ANTXR1: variants seen among roughly 807,000 people sequenced by gnomAD.
ANTXR1 encodes anthrax toxin receptor 1.
A neutral mutation model predicts 78.1 loss-of-function variants in ANTXR1; 19 were observed. That is an observed-to-expected ratio of 0.24 (90% CI 0.17 to 0.36). ANTXR1 has a LOEUF of 0.36. Ranked by LOEUF, ANTXR1 falls within the 10% of genes least tolerant of loss-of-function variation. The pLI, the probability that ANTXR1 is intolerant of heterozygous loss-of-function variation, is 1.00. For synonymous variants in ANTXR1, 273 were observed against 260.5 expected, an observed-to-expected ratio of 1.05 and a Z score of -0.46; for missense variants, 518 against 718.6, an observed-to-expected ratio of 0.72 and a Z score of 3.19.
intron 1 of ANTXR1, among the ~76,000 whole-genome samples, 197 bp from the exon 2 acceptor site, chr2:69,039,847 C>G (rs1573799131): frequency 6.6e-6 from 1 of 152,144 alleles, no homozygotes; most frequent in East Asian, 1.9e-4. Context: ...TGGGGGAGTT[C>G]TTTTACAACA....
chr2:69,128,160 G>T (rs537767362), intron 12 of ANTXR1, among the ~76,000 whole-genome samples: 1 of 151,886 alleles, frequency 6.6e-6, no homozygotes, highest in Non-Finnish European at 1.5e-5. Flanking sequence ...GGGAGGCGGA[G>T]GTTGCAGTGA....
At chr2:69,111,536 G>T (rs1334602562) in intron 10 of ANTXR1, among the ~76,000 whole-genome samples, 2 of 152,220 alleles carry the variant, frequency 1.3e-5, no homozygotes, top group Non-Finnish European at 2.9e-5. Flanking sequence ...TGAGAAATCA[G>T]ATTCATTATA....
intron 17 of ANTXR1, among the ~76,000 whole-genome samples, chr2:69,216,340 G>A (rs1327618732): frequency 6.6e-6 from 1 of 152,090 alleles, no homozygotes; most frequent in Non-Finnish European, 1.5e-5. Flanking sequence ...GTTTTAGGTG[G>A]GTTCTAGATG....
chr2:69,137,891 C>G (rs1672960680), intron 12 of ANTXR1, among the ~76,000 whole-genome samples: 1 of 151,522 alleles, frequency 6.6e-6, no homozygotes, highest in South Asian at 2.1e-4. Context: ...CGAGATCAGC[C>G]TGGCAAACAT....
intron 17 of ANTXR1, among the ~76,000 whole-genome samples, chr2:69,224,493 T>C (rs923275976): frequency 1.3e-5 from 2 of 152,186 alleles, no homozygotes; most frequent in Admixed American, 6.5e-5. Flanking sequence ...CCTATTCCCT[T>C]TCCCTGCCCT....
rs183987460 is a variant in ANTXR1, at chr2:69,037,235, G to T, written c.153-2809G>T. Among the ~76,000 whole-genome samples, 5 of 152,340 alleles carry T rather than the reference G, an allele frequency of 3.3e-5. No homozygotes were observed. The East Asian group carries it at 9.7e-4, about 29-fold the overall frequency. ...GGTTCAGTTGGCAAAAGATCAGGAAGCTTCCATGAGCAATAGAGGCTTTTC... is the reference window on the plus strand; with the variant it reads ...GGTTCAGTTGGCAAAAGATCAGGAATCTTCCATGAGCAATAGAGGCTTTTC... On this transcript the variant is annotated intron_variant, in intron 1 of 17. Transcript: ENST00000303714.
intron 3 of ANTXR1, among the ~76,000 whole-genome samples, chr2:69,067,518 C>A (rs1670436415): frequency 6.7e-6 from 1 of 150,034 alleles, no homozygotes; most frequent in Admixed American, 6.6e-5. Flanking sequence ...TAGTGTTACC[C>A]AAATGTCCCA....
At chr2:69,102,776 C>G in intron 9 of ANTXR1, 66 bp from the exon 10 acceptor site, 1 of 1,443,446 alleles carries the variant, frequency 6.9e-7, no homozygotes, top group Non-Finnish European at 9.7e-7. Flanking sequence ...TGCTCTAAAT[C>G]AGGGCAGATG....
chr2:69,193,228 T>C, intron 16 of ANTXR1, 107 bp from the exon 17 acceptor site: 1 of 861,250 alleles, frequency 1.2e-6, no homozygotes, highest in Non-Finnish European at 2.0e-6. Context: ...ATTGACAGTG[T>C]TGTGTTGTTC....
rs189212594 is a variant in ANTXR1 at position 69,173,644 on chromosome 2, C to G, written c.1089+3355C>G. On this transcript the variant is annotated intron_variant, in intron 14 of 17. Transcript: ENST00000303714. Reference sequence around the variant, plus strand: ...ATACTATCAAAATAAAAGCTACACCCAGGAATCCATACCATATTCTTCCAA... The same window carrying G: ...ATACTATCAAAATAAAAGCTACACCGAGGAATCCATACCATATTCTTCCAA... Among the ~76,000 whole-genome samples the G allele has an allele frequency of 3.9e-5, 6 of 152,340 alleles. No homozygotes were observed. In the East Asian group the frequency reaches 1.2e-3, roughly 29 times the overall value.
intron 12 of ANTXR1, 114 bp from the exon 13 acceptor site, chr2:69,152,055 C>T (rs1279054720): frequency 3.7e-6 from 4 of 1,071,090 alleles, no homozygotes; most frequent in Non-Finnish European, 5.7e-6. Flanking sequence ...ATTTGCTTGG[C>T]AAACTGTGCT....
chr2:69,201,460 C>CCG (rs1674770838), intron 17 of ANTXR1, among the ~76,000 whole-genome samples: 1 of 152,102 alleles, frequency 6.6e-6, no homozygotes, highest in Non-Finnish European at 1.5e-5. Flanking sequence ...GCTCTGCCAG[C>CCG]CTGACGAGGC....
rs1177527932 is a variant in ANTXR1 at position 69,182,543 on chromosome 2, G to A, written c.1236G>A (p.Lys412=). The A allele has an allele frequency of 2.5e-6, 4 of 1,614,064 alleles. No individual in the cohort carries two copies. The highest frequency in any genetic ancestry group is 2.5e-6 in the Non-Finnish European group (3 of 1,180,046). Residue 412 remains lysine (K), a synonymous_variant, in exon 16 of 18, where the codon AAG becomes AAA. Coordinates refer to ENST00000303714, the MANE Select transcript of ANTXR1 (RefSeq NM_032208.3). The part of the protein sequence containing the change: ...GSTEEGAKLE[K]AKNARVKMPE... ...CAGAAGAAGGTGCTAAGTTGGAAAA[G>A]GCAAAGAATGCAAGAGTCAAGATGC... is the stretch of plus-strand genomic sequence containing the variant.
intron 1 of ANTXR1, among the ~76,000 whole-genome samples, chr2:69,026,796 C>T (rs914125065): frequency 2.6e-5 from 4 of 152,180 alleles, no homozygotes; most frequent in African/African-American, 9.7e-5. Flanking sequence ...GGAGCATAAA[C>T]AGTTAGCTTC....
At chr2:69,155,232 C>A (rs893169825) in intron 13 of ANTXR1, among the ~76,000 whole-genome samples, 1 of 152,178 alleles carries the variant, frequency 6.6e-6, no homozygotes, top group African/African-American at 2.4e-5. Flanking sequence ...GAAAACTGAC[C>A]ATATCCTGAA....
intron 4 of ANTXR1, 74 bp from the exon 5 acceptor site, chr2:69,071,680 C>A: frequency 7.0e-7 from 1 of 1,437,878 alleles, no homozygotes; most frequent in Non-Finnish European, 9.8e-7. Context: ...AACAACAGAG[C>A]CCATTATCCA....
rs150662207 is a variant in ANTXR1, at chr2:69,133,040, G to A, written c.951+8397G>A. ...AAGTCAATGGACACAAACATGGCAC[G>A]CTCTGAGGAGTGTCCACTTCATGGG... On this transcript the variant is annotated intron_variant, in intron 12 of 17. Coordinates refer to ENST00000303714, the MANE Select transcript of ANTXR1 (RefSeq NM_032208.3). Among the ~76,000 whole-genome samples the A allele has an allele frequency of 2.6e-3, 400 of 152,254 alleles. 2 individuals carry two copies. Among genetic ancestry groups the A allele is most frequent in the African/African-American group, 9.1e-3 (380 of 41,542 alleles).
chr2:69,187,530 C>T (rs1674447547), intron 16 of ANTXR1, among the ~76,000 whole-genome samples: 1 of 149,292 alleles, frequency 6.7e-6, no homozygotes, highest in Non-Finnish European at 1.5e-5. Flanking sequence ...TCCGTTAAAT[C>T]CATTAATTTA....
At chr2:69,058,598 G>C (rs907760647) in intron 3 of ANTXR1, among the ~76,000 whole-genome samples, 2 of 152,086 alleles carry the variant, frequency 1.3e-5, no homozygotes. Flanking sequence ...TCACCTAAGA[G>C]ATCTGATAAA....
Sources: gnomAD v4.1 joint callset for allele counts (sites outside exome capture counted in the v4.1 genomes callset) on GRCh38, gnomAD v4.1.1 for gene constraint, MANE v1.5 for transcripts, NCBI Gene and HGNC (gene_info 2026-07-23, HGNC 2026-07-21) for gene names.